TMEM19: variants seen among roughly 807,000 people sequenced by gnomAD.
TMEM19 encodes the protein transmembrane protein 19.
A neutral mutation model predicts 33.6 loss-of-function variants in TMEM19; 21 were observed. The observed-to-expected ratio is 0.62, with a 90% CI of 0.44 to 0.90. TMEM19 has a LOEUF of 0.90. Among genes scored for constraint, TMEM19 ranks in the 40% least tolerant of loss-of-function variants. The probability of loss-of-function intolerance (pLI) is 0.00; values close to 1 mark genes in which losing one functional copy is unlikely to be tolerated. For synonymous variants in TMEM19, 149 were observed against 147.5 expected (o/e 1.01, Z -0.07); for missense variants, 402 against 401.8 (o/e 1.00, Z 0.00).
Position 71,697,549 on chromosome 12 carries a change from C to A in TMEM19, c.637+15C>A, listed in dbSNP as rs747456672. 3 of 1,561,110 alleles carry A rather than the reference C, an allele frequency of 1.9e-6. No individual in the cohort carries two copies. The highest frequency in any genetic ancestry group is 2.6e-6 in the Non-Finnish European group (3 of 1,163,616). Reference sequence around the variant, plus strand: ...AGTTCCAGTTGGTGAGTTTTTTCTTCTTTTTGACCCATTGGTAGACACAGT... The same window carrying A: ...AGTTCCAGTTGGTGAGTTTTTTCTTATTTTTGACCCATTGGTAGACACAGT... On this transcript the variant is annotated intron_variant, in intron 4 of 5. Coordinates refer to ENST00000266673, the MANE Select transcript of TMEM19 (RefSeq NM_018279.4).
intron 5 of TMEM19, chr12:71,699,517 G>T: frequency 4.2e-6 from 1 of 236,982 alleles, no homozygotes; most frequent in Non-Finnish European, 8.2e-6. Flanking sequence ...GTGGTATCAT[G>T]CTTGCTATTC....
intron 2 of TMEM19, among the ~76,000 whole-genome samples, chr12:71,694,422 A>G (rs1459040787): frequency 6.6e-6 from 1 of 152,234 alleles, no homozygotes; most frequent in Non-Finnish European, 1.5e-5. Context: ...CTGAAGTAGA[A>G]GCCTCACTCT....
chr12:71,698,682 A>C (rs1485739362), intron 4 of TMEM19, among the ~76,000 whole-genome samples: 2 of 151,418 alleles, frequency 1.3e-5, no homozygotes, highest in Non-Finnish European at 2.9e-5. Context: ...GATTGAAACC[A>C]GGCAGTCTGG....
intron 5 of TMEM19, among the ~76,000 whole-genome samples, chr12:71,700,446 C>T (rs1225867718): frequency 6.6e-6 from 1 of 152,186 alleles, no homozygotes; most frequent in African/African-American, 2.4e-5. Context: ...ATAGATCAGT[C>T]TTGGAGGGGA....
In TMEM19 at chr12:71,702,333, G is replaced by A. The variant is rs1881992664; in HGVS notation, c.*1338G>A. 2 of 152,186 alleles carry A rather than the reference G, an allele frequency of 1.3e-5. No individual in the cohort carries two copies. The highest frequency in any genetic ancestry group is 6.5e-5 in the Admixed American group (1 of 15,274). 9.4% of individuals were successfully genotyped at this position (152,186 alleles called of 1,614,324 possible). On this transcript the variant is annotated 3_prime_UTR_variant, in exon 6 of 6. Coordinates refer to ENST00000266673, the MANE Select transcript of TMEM19 (RefSeq NM_018279.4). ...GTTTGCTTTTTTTGTTTATGTGTTT[G>A]TTTTTTGAGACAGAGTCTCACACTG...
At chr12:71,698,161 T>A (rs530946982) in intron 4 of TMEM19, among the ~76,000 whole-genome samples, 1 of 152,320 alleles carries the variant, frequency 6.6e-6, no homozygotes, top group East Asian at 1.9e-4. Flanking sequence ...CTTCTTTTTG[T>A]CCTCTGATGC....
rs58258956 is a variant in TMEM19 at position 71,703,881 on chromosome 12, C to CTTTT, written c.*2898_*2901dup. 3 of 205,194 alleles carry CTTTT rather than the reference C, an allele frequency of 1.5e-5. No homozygotes were observed. The highest frequency in any genetic ancestry group is 5.1e-5 in the South Asian group (1 of 19,794). The allele number at this position is 205,194 out of a possible 1,614,324, so 12.7% of individuals were successfully genotyped here. On this transcript the variant is annotated 3_prime_UTR_variant, in exon 6 of 6. Coordinates refer to ENST00000266673, the MANE Select transcript of TMEM19 (RefSeq NM_018279.4). ...GAGGATAAGAAATTGTGTCTCTGTCCTTTTTTTTTTTTTTTGTTAAGTCTT... is the reference window on the plus strand; with the variant it reads ...GAGGATAAGAAATTGTGTCTCTGTCCTTTTTTTTTTTTTTTTTTTGTTAAGTCTT...
intron 2 of TMEM19, among the ~76,000 whole-genome samples, chr12:71,691,032 C>T (rs1343124762): frequency 2.0e-5 from 3 of 152,152 alleles, no homozygotes; most frequent in Non-Finnish European, 4.4e-5. Context: ...AGGCCTGGAT[C>T]TCCCCCTTAT....
At position 71,697,389 on chromosome 12, in the gene TMEM19, C is replaced by T. The variant is rs971660318; in HGVS notation, c.492C>T (p.Ser164=). 1.9e-6 allele frequency: 3 copies of T among 1,610,978 alleles called. No individual in the cohort carries two copies. The highest frequency in any genetic ancestry group is 2.7e-5 in the African/African-American group (2 of 74,616). ...CCGGGGAAATCCCAGTCGATTTTTC[C>T]AAGCAGTACTCCGCTTCCTGGATGT... The part of the protein sequence containing the change: ...NGPGEIPVDF[S]KQYSASWMCL... Residue 164 remains serine, a synonymous_variant, in exon 4 of 6, where the codon TCC becomes TCT. Coordinates refer to ENST00000266673, the MANE Select transcript of TMEM19 (RefSeq NM_018279.4).
Position 71,697,771 on chromosome 12 carries a change from A to C in TMEM19, c.637+237A>C, listed in dbSNP as rs113609320. On this transcript the variant is annotated intron_variant, in intron 4 of 5. Transcript: ENST00000266673. ...CTAGATAAGCAATACAGGAACATAG[A>C]GATTGATTTGCAAACATATCAGTAG... is the stretch of plus-strand genomic sequence containing the variant. 3.1e-3 allele frequency among the ~76,000 whole-genome samples: 477 copies of C among 152,314 alleles called. 3 individuals carry two copies. The highest frequency in any genetic ancestry group is 5.5e-3 in the Non-Finnish European group (374 of 68,016).
At chr12:71,694,187 T>C (rs1881832994) in intron 2 of TMEM19, among the ~76,000 whole-genome samples, 1 of 152,184 alleles carries the variant, frequency 6.6e-6, no homozygotes, top group African/African-American at 2.4e-5. Flanking sequence ...AGTCAGTCTC[T>C]AAGCTGCACA....
In TMEM19 at chr12:71,686,526, A is replaced by G; in HGVS notation, c.-155A>G. Reference sequence around the variant, plus strand: ...TCCGCCAGTAGGAGTTTCCGGAAGGAGTTTGAATTTTTGTGATTTTTATGC... The same window carrying G: ...TCCGCCAGTAGGAGTTTCCGGAAGGGGTTTGAATTTTTGTGATTTTTATGC... On this transcript the variant is annotated 5_prime_UTR_variant, in exon 1 of 6. Transcript: ENST00000266673. 1.3e-6 allele frequency: 1 copy of G among 767,276 alleles called. No individual in the cohort carries two copies. The highest frequency in any genetic ancestry group is 2.0e-6 in the Non-Finnish European group (1 of 494,542). The allele number at this position is 767,276 out of a possible 1,614,324, so 47.5% of individuals were successfully genotyped here. A position where few individuals can be genotyped will look rare whatever the true frequency, so the allele number is the denominator to read the frequency against.
At chr12:71,691,605 CAAAAAAAA>C (rs57138830) in intron 2 of TMEM19, among the ~76,000 whole-genome samples, 4 of 49,492 alleles carry the variant, frequency 8.1e-5, no homozygotes, top group African/African-American at 2.0e-4. Context: ...TTCACCTCTA[CAAAAAAAA>C]AAAAAAAAAA....
At chr12:71,696,658 T>G (rs1303220006) in intron 3 of TMEM19, 85 bp downstream of exon 3, 6 of 1,302,490 alleles carry the variant, frequency 4.6e-6, no homozygotes, top group African/African-American at 4.5e-5. Context: ...TTTTTGTTTT[T>G]TTTTTTGAGA....
chr12:71,697,511 C>T lies in TMEM19; in HGVS notation c.614C>T (p.Thr205Ile), dbSNP rs750133871. The change falls in exon 4 of 6, where the codon ACA becomes ATA. Residue 205 changes from threonine (T) to isoleucine (I), a missense_variant. Physicochemically the swap from Thr to Ile is moderately conservative, Grantham distance 89. Coordinates refer to ENST00000266673, the MANE Select transcript of TMEM19 (RefSeq NM_018279.4). ...VLSKSSPRLI[T>I]TWEKVPVGTN... ...AGTAAAAGTTCTCCAAGACTGATAA[C>T]AACCTGGGAGAAAGTTCCAGTTGGT... 12 of 1,578,274 alleles carry T rather than the reference C, an allele frequency of 7.6e-6. No individual in the cohort carries two copies. Among genetic ancestry groups the T allele is most frequent in the Non-Finnish European group, 1.0e-5 (12 of 1,168,144 alleles).
Position 71,701,090 on chromosome 12 carries a change from G to A in TMEM19, c.*95G>A, listed in dbSNP as rs113385533. Reference sequence around the variant, plus strand: ...AGAATAATAACTGTAATGGCAAAGCGGAAATGCCAGTTCCTCCTGTATTCC... The same window carrying A: ...AGAATAATAACTGTAATGGCAAAGCAGAAATGCCAGTTCCTCCTGTATTCC... On this transcript the variant is annotated 3_prime_UTR_variant, in exon 6 of 6. Transcript: ENST00000266673. The A allele has an allele frequency of 2.9e-3, 3,742 of 1,270,804 alleles. 52 individuals carry two copies. The Admixed American group carries it at 0.039, about 13-fold the overall frequency. The allele number at this position is 1,270,804 out of a possible 1,614,324, so 78.7% of individuals were successfully genotyped here. A position where few individuals can be genotyped will look rare whatever the true frequency, so the allele number is the denominator to read the frequency against.
intron 4 of TMEM19, 122 bp downstream of exon 4, chr12:71,697,656 A>G (rs1881899200): frequency 2.4e-6 from 3 of 1,251,396 alleles, no homozygotes; most frequent in Middle Eastern, 2.7e-4. Context: ...TAAGAACTTT[A>G]TTTAGTCTCT....
chr12:71,700,397 A>G (rs1028785981), intron 5 of TMEM19, among the ~76,000 whole-genome samples: 3 of 152,144 alleles, frequency 2.0e-5, no homozygotes, highest in African/African-American at 7.2e-5. Context: ...CGTTTACAGT[A>G]CTGTGGCCAC....
Position 71,695,964 on chromosome 12 carries a change from G to A in TMEM19, c.245-472G>A, listed in dbSNP as rs12304793. On this transcript the variant is annotated intron_variant, in intron 2 of 5. Coordinates refer to ENST00000266673, the MANE Select transcript of TMEM19 (RefSeq NM_018279.4). The stretch of plus-strand genomic sequence containing the variant: ...TGAGTATCTCTGGAAGGGTCAATGA[G>A]TAACTATCTCATTGGTTATGATATC... Among the ~76,000 whole-genome samples the A allele has an allele frequency of 2.9e-3, 442 of 152,268 alleles. 4 individuals carry two copies. The highest frequency in any genetic ancestry group is 0.01 in the African/African-American group (424 of 41,544).
Sources: gnomAD v4.1 joint callset for allele counts (sites outside exome capture counted in the v4.1 genomes callset) on GRCh38, gnomAD v4.1.1 for gene constraint, MANE v1.5 for transcripts, NCBI Gene and HGNC (gene_info 2026-07-23, HGNC 2026-07-21) for gene names.